Variants in FBN2 observed in about 807,000 individuals in gnomAD.
The protein encoded by FBN2 is fibrillin 2.
FBN2 carries 105 observed loss-of-function variants against 355.6 expected under a neutral mutation model. The ratio of observed to expected loss-of-function variants is 0.30; its 90% CI spans 0.25 to 0.35. The LOEUF is 0.35. Ranked by LOEUF, FBN2 falls within the 10% of genes least tolerant of loss-of-function variation. The probability of loss-of-function intolerance (pLI) is 1.00; values close to 1 mark genes in which losing one functional copy is unlikely to be tolerated. For missense variants in FBN2, 3,280 were observed against 3,758.7 expected (o/e 0.87, Z 3.33); for synonymous variants, 1,350 against 1,301.2 (o/e 1.04, Z -0.81).
intron 62 of FBN2, among the ~76,000 whole-genome samples, chr5:128,266,304 A>G (rs1008729022): frequency 1.3e-4 from 20 of 152,190 alleles, no homozygotes; most frequent in Non-Finnish European, 2.9e-5. Context: ...TAGTAGAATA[A>G]GCTTACAAAT....
intron 20 of FBN2, among the ~76,000 whole-genome samples, chr5:128,354,995 G>A (rs898729031): frequency 2.6e-5 from 4 of 152,158 alleles, no homozygotes; most frequent in South Asian, 2.1e-4. Context: ...TGTAGAAAGA[G>A]AAACAGAGGT....
intron 39 of FBN2, among the ~76,000 whole-genome samples, chr5:128,311,085 C>A (rs760049467): frequency 1.7e-4 from 26 of 151,774 alleles, no homozygotes; most frequent in Non-Finnish European, 3.4e-4. Flanking sequence ...TTTAATCAAC[C>A]CTCCTGGAAA....
At chr5:128,497,302 C>G (rs1049398246) in intron 5 of FBN2, among the ~76,000 whole-genome samples, 1 of 152,148 alleles carries the variant, frequency 6.6e-6, no homozygotes, top group Non-Finnish European at 1.5e-5. Flanking sequence ...CACCAGAAAT[C>G]CTAGATCCTC....
In FBN2 at chr5:128,350,042, G is replaced by T. The variant is rs28763947; in HGVS notation, c.2813-37C>A. 0.031 allele frequency: 47,785 copies of T among 1,523,168 alleles called. 862 individuals are homozygous for T. The highest frequency in any genetic ancestry group is 0.038 in the Non-Finnish European group (41,673 of 1,097,266). 94.4% of individuals were successfully genotyped at this position (1,523,168 alleles called of 1,614,324 possible). ...ACAGGACAAATTTTACTTCATTATA[G>T]AATAAAATACAACCATGGTATGCTC... On this transcript the variant is annotated intron_variant, in intron 21 of 64. Transcript: ENST00000262464.
At chr5:128,336,951 A>C (rs1454389612) in intron 27 of FBN2, among the ~76,000 whole-genome samples, 1 of 152,220 alleles carries the variant, frequency 6.6e-6, no homozygotes, top group African/African-American at 2.4e-5. Context: ...TATGCTTATG[A>C]TCACTAAGTG....
chr5:128,439,351 T>A (rs183096496), intron 7 of FBN2, among the ~76,000 whole-genome samples: 175 of 152,296 alleles, frequency 1.1e-3, no homozygotes, highest in Admixed American at 2.1e-3. Flanking sequence ...TATACTCTTA[T>A]CAGGAATTTG....
At chr5:128,374,812 T>G in intron 14 of FBN2, 62 bp from the exon 15 acceptor site, 2 of 1,588,272 alleles carry the variant, frequency 1.3e-6, no homozygotes, top group South Asian at 2.2e-5. Flanking sequence ...TTACAGGGTT[T>G]ACTTGCAGCC....
chr5:128,283,542 A>C (rs1749044503), intron 55 of FBN2, among the ~76,000 whole-genome samples: 1 of 152,152 alleles, frequency 6.6e-6, no homozygotes, highest in Non-Finnish European at 1.5e-5. Flanking sequence ...TAATATTTTT[A>C]GTCTCTCTAA....
chr5:128,367,700 T>C (rs1751810004), intron 16 of FBN2, among the ~76,000 whole-genome samples: 1 of 152,116 alleles, frequency 6.6e-6, no homozygotes, highest in African/African-American at 2.4e-5. Flanking sequence ...TCCTTGCTGC[T>C]CCAAAATGCT....
At chr5:128,311,539 T>TACGTA in intron 38 of FBN2, 114 bp from the exon 39 acceptor site, 1 of 1,114,000 alleles carries the variant, frequency 9.0e-7, no homozygotes. Context: ...TGCATCCAAA[T>TACGTA]GAACGCACAC....
chr5:128,350,835 G>A, intron 21 of FBN2, 33 bp downstream of exon 21: 2 of 1,613,044 alleles, frequency 1.2e-6, no homozygotes, highest in Non-Finnish European at 1.7e-6. Context: ...AGTTTCCAAG[G>A]AGAAGCCCAG....
At chr5:128,510,440 T>C (rs576414775) in intron 5 of FBN2, among the ~76,000 whole-genome samples, 1 of 152,320 alleles carries the variant, frequency 6.6e-6, no homozygotes, top group Admixed American at 6.5e-5. Context: ...AGGTTCACAC[T>C]GTTGTTTCCC....
intron 48 of FBN2, among the ~76,000 whole-genome samples, 167 bp downstream of exon 48, chr5:128,300,650 C>G (rs1216726933): frequency 6.6e-6 from 1 of 152,158 alleles, no homozygotes; most frequent in Non-Finnish European, 1.5e-5. Context: ...GTTTTTTATT[C>G]TCACCATCAT....
chr5:128,349,209 A>C, intron 23 of FBN2, 138 bp downstream of exon 23: 1 of 965,912 alleles, frequency 1.0e-6, no homozygotes, highest in Non-Finnish European at 1.6e-6. Flanking sequence ...AACAGCCTCT[A>C]GTGATTTCCC....
At position 128,388,567 on chromosome 5, in the gene FBN2, A is replaced by G. The variant is rs926349170; in HGVS notation, c.1603+3451T>C. On this transcript the variant is annotated intron_variant, in intron 11 of 64. Coordinates refer to ENST00000262464, the MANE Select transcript of FBN2 (RefSeq NM_001999.4). The stretch of plus-strand genomic sequence containing the variant: ...TTCCTTCAGCATTTGCTTGTCTGAA[A>G]AATATTTTATTTCCCCTTCACGTAT... 3.9e-5 allele frequency among the ~76,000 whole-genome samples: 6 copies of G among 152,316 alleles called. No homozygotes were observed. The East Asian group carries it at 9.6e-4, about 24-fold the overall frequency.
chr5:128,515,535 G>A (rs560222832), intron 5 of FBN2, among the ~76,000 whole-genome samples: 59 of 152,268 alleles, frequency 3.9e-4, no homozygotes, highest in Non-Finnish European at 7.6e-4. Flanking sequence ...GAGATGGAGT[G>A]ACTCCTTCTC....
At chr5:128,455,990 C>CAAAAAAA (rs70997371) in intron 6 of FBN2, among the ~76,000 whole-genome samples, 1,122 of 25,250 alleles carry the variant, frequency 0.044, 425 homozygotes, top group African/African-American at 0.09. Context: ...GGGTTAGCAA[C>CAAAAAAA]AAAAAAAAAA....
In FBN2 at chr5:128,392,135, C is replaced by T. The variant is rs1379319141; in HGVS notation, c.1486G>A (p.Asp496Asn). The change falls in exon 11 of 65, where the codon GAT becomes AAT. Residue 496 changes from aspartate to asparagine, a missense_variant. Asp to Asn is a conservative substitution (Grantham distance 23). This residue lies in a region of FBN2 where 343 missense variants were observed against 331.0 expected (regional missense o/e 1.04). Coordinates refer to ENST00000262464, the MANE Select transcript of FBN2 (RefSeq NM_001999.4). ...AGGTTAGCATGATGCTTACAGATAT[C>T]TATTGTCTGGTTCAGAATTGCTACG... Reference protein sequence around the residue: ...TGLTILNQTIDICKHHANLCL... With the variant: ...TGLTILNQTINICKHHANLCL... The T allele has an allele frequency of 2.5e-6, 4 of 1,613,518 alleles. No individual in the cohort carries two copies. The highest frequency in any genetic ancestry group is 3.4e-6 in the Non-Finnish European group (4 of 1,179,608).
chr5:128,423,560 G>A (rs1243934185), intron 7 of FBN2, among the ~76,000 whole-genome samples: 1 of 152,082 alleles, frequency 6.6e-6, no homozygotes, highest in African/African-American at 2.4e-5. Flanking sequence ...TGCAACTCAG[G>A]GTGAGATTTG....
Sources: gnomAD v4.1 joint callset for allele counts (sites outside exome capture counted in the v4.1 genomes callset) on GRCh38, gnomAD v4.1.1 for gene constraint, gnomAD v4.1.1 regional missense constraint, MANE v1.5 for transcripts, NCBI Gene and HGNC (gene_info 2026-07-23, HGNC 2026-07-21) for gene names.